The following GNG12 variants were observed in gnomAD, a reference collection of about 807,000 sequenced individuals.
GNG12 encodes the protein guanine nucleotide-binding protein G(I)/G(S)/G(O) subunit gamma-12.
For synonymous variants in GNG12, 28 were observed against 29.7 expected, an observed-to-expected ratio of 0.94 and a Z score of 0.19; for missense variants, 69 against 83.8, an observed-to-expected ratio of 0.82 and a Z score of 0.69.
At chr1:67,797,071 T>C (rs1332219983) in intron 1 of GNG12, among the ~76,000 whole-genome samples, 1 of 152,062 alleles carries the variant, frequency 6.6e-6, no homozygotes, top group African/African-American at 2.4e-5. Flanking sequence ...GACCCAAACA[T>C]CTCCCTCTAG....
intron 1 of GNG12, among the ~76,000 whole-genome samples, chr1:67,786,947 G>A (rs879698150): frequency 0.17 from 6,271 of 36,600 alleles, 312 homozygotes; most frequent in East Asian, 0.36. Flanking sequence ...GTGTGTGTGT[G>A]TGTGTGTGTG....
intron 1 of GNG12, among the ~76,000 whole-genome samples, chr1:67,786,566 T>A (rs1439184674): frequency 1.3e-5 from 2 of 152,050 alleles, no homozygotes; most frequent in Non-Finnish European, 2.9e-5. Flanking sequence ...TGTGAGTGTC[T>A]CTGAACCTAC....
chr1:67,750,311 G>C (rs943835877), intron 2 of GNG12, among the ~76,000 whole-genome samples: 7 of 152,142 alleles, frequency 4.6e-5, no homozygotes, highest in African/African-American at 9.7e-5. Flanking sequence ...TCTCCCAGTG[G>C]AACCTCACAT....
At chr1:67,791,866 G>T (rs867736605) in intron 1 of GNG12, among the ~76,000 whole-genome samples, 4 of 151,980 alleles carry the variant, frequency 2.6e-5, no homozygotes, top group African/African-American at 9.7e-5. Flanking sequence ...ACTTACTCAC[G>T]TCCACTCCTT....
intron 2 of GNG12, among the ~76,000 whole-genome samples, chr1:67,720,311 G>A (rs1646349830): frequency 6.6e-6 from 1 of 152,230 alleles, no homozygotes; most frequent in Non-Finnish European, 1.5e-5. Flanking sequence ...CCTCGGATGG[G>A]GACCCATGAA....
intron 2 of GNG12, among the ~76,000 whole-genome samples, chr1:67,729,141 C>A (rs773772355): frequency 1.3e-5 from 2 of 152,072 alleles, no homozygotes; most frequent in Non-Finnish European, 2.9e-5. Context: ...GACATCTTTC[C>A]TGCTCTGAGT....
rs1026499451 is a variant in GNG12, at chr1:67,707,582, G to C, written c.93+12C>G. ...AGCAGAAAGCATATGTTATCCAGTC[G>C]GGGCTTCTTACCTTTATTCTTTCAA... On this transcript the variant is annotated intron_variant, in intron 3 of 3. Transcript: ENST00000370982. 1 of 1,382,066 alleles carries C rather than the reference G, an allele frequency of 7.2e-7. No homozygotes were observed. Among genetic ancestry groups the C allele is most frequent in the African/African-American group, 1.4e-5 (1 of 69,598 alleles). The allele number at this position is 1,382,066 out of a possible 1,614,324, so 85.6% of individuals were successfully genotyped here.
intron 2 of GNG12, among the ~76,000 whole-genome samples, chr1:67,738,482 C>A (rs186184292): frequency 6.6e-6 from 1 of 152,074 alleles, no homozygotes; most frequent in African/African-American, 2.4e-5. Flanking sequence ...GATCCTGAGC[C>A]CTCCCCTCTG....
chr1:67,785,762 T>C (rs148449136), intron 1 of GNG12, among the ~76,000 whole-genome samples: 28 of 152,344 alleles, frequency 1.8e-4, no homozygotes, highest in African/African-American at 6.5e-4. Context: ...TTCTAATGCA[T>C]TCTTAGGCTG....
intron 2 of GNG12, among the ~76,000 whole-genome samples, chr1:67,747,921 G>A (rs933681362): frequency 1.3e-5 from 2 of 152,190 alleles, no homozygotes; most frequent in African/African-American, 4.8e-5. Context: ...CCTGTACCAA[G>A]GCAGAGCTAT....
At chr1:67,725,965 A>T (rs1646382856) in intron 2 of GNG12, among the ~76,000 whole-genome samples, 1 of 152,226 alleles carries the variant, frequency 6.6e-6, no homozygotes, top group African/African-American at 2.4e-5. Context: ...CAATTTAAAT[A>T]CTCATGTTAC....
At chr1:67,783,237 T>A (rs1181673557) in intron 1 of GNG12, among the ~76,000 whole-genome samples, 2 of 152,164 alleles carry the variant, frequency 1.3e-5, no homozygotes, top group African/African-American at 4.8e-5. Flanking sequence ...CCTAAATCAA[T>A]CCCCTAATGC....
At chr1:67,789,361 A>G (rs1330372167) in intron 1 of GNG12, among the ~76,000 whole-genome samples, 1 of 152,244 alleles carries the variant, frequency 6.6e-6, no homozygotes, top group Non-Finnish European at 1.5e-5. Flanking sequence ...CGATGAAAAG[A>G]TATTTCTAAC....
At chr1:67,730,989 C>A (rs865976579) in intron 2 of GNG12, among the ~76,000 whole-genome samples, 1 of 152,146 alleles carries the variant, frequency 6.6e-6, no homozygotes, top group African/African-American at 2.4e-5. Flanking sequence ...TCATCCAGAA[C>A]ATCTGTCAGC....
chr1:67,752,244 C>T (rs183470531), intron 2 of GNG12, among the ~76,000 whole-genome samples: 3 of 152,250 alleles, frequency 2.0e-5, no homozygotes, highest in Admixed American at 1.3e-4. Flanking sequence ...AATTAAGTAC[C>T]CCATATTCAT....
In GNG12 at chr1:67,710,190, AGT is replaced by A. The variant is rs1326754369; in HGVS notation, c.-26-2480_-26-2479del. ...GTTATATATATATAGTTATATATAT[AGT>A]TATATATATATAGTTATATATATAG... On this transcript the variant is annotated intron_variant, in intron 2 of 3. Transcript: ENST00000370982. Among the ~76,000 whole-genome samples the A allele has an allele frequency of 4.3e-4, 17 of 39,906 alleles. 1 individual carries two copies. Among genetic ancestry groups the A allele is most frequent in the African/African-American group, 1.4e-3 (15 of 10,614 alleles). 26.2% of individuals were successfully genotyped at this position (39,906 alleles called of 152,430 possible).
At chr1:67,814,264 C>T (rs1646941465) in intron 1 of GNG12, among the ~76,000 whole-genome samples, 2 of 152,186 alleles carry the variant, frequency 1.3e-5, no homozygotes, top group African/African-American at 4.8e-5. Context: ...GCCATGAGCC[C>T]TTCCTGTTTA....
intron 1 of GNG12, among the ~76,000 whole-genome samples, chr1:67,801,510 T>C (rs959024111): frequency 1.3e-5 from 2 of 152,194 alleles, no homozygotes; most frequent in Non-Finnish European, 2.9e-5. Context: ...GGCTTGGATG[T>C]TGGTGCAGTT....
At chr1:67,767,305 G>A (rs60620090) in intron 2 of GNG12, among the ~76,000 whole-genome samples, 2,506 of 151,906 alleles carry the variant, frequency 0.016, 80 homozygotes, top group African/African-American at 0.058. Flanking sequence ...AGACTGACAG[G>A]GGTTCAGCAC....
Sources: gnomAD v4.1 joint callset for allele counts (sites outside exome capture counted in the v4.1 genomes callset) on GRCh38, gnomAD v4.1.1 for gene constraint, MANE v1.5 for transcripts, NCBI Gene and HGNC (gene_info 2026-07-23, HGNC 2026-07-21) for gene names.